The following KDM4D variants were observed in gnomAD, a reference collection of about 807,000 sequenced individuals.
KDM4D encodes the protein lysine demethylase 4D.
For synonymous variants in KDM4D, 254 were observed against 249.1 expected (o/e 1.02, Z -0.19); for missense variants, 427 against 674.8 (o/e 0.63, Z 4.07).
In KDM4D at chr11:94,998,664, C is replaced by G; in HGVS notation, c.1292C>G (p.Ser431Ter). Residue 431 changes from serine (S) to a stop codon, truncating the protein, a stop_gained, in exon 3 of 3, where the codon TCA becomes TGA. Coordinates refer to ENST00000335080, the MANE Select transcript of KDM4D (RefSeq NM_018039.3). LOFTEE classifies it low-confidence loss of function (END_TRUNC). This position sits in a 1 kb window ranked among gnomAD's most constrained non-coding sequence, Gnocchi z 6.7. ...GTCCACAGCTCTAAGAAGCCCAGCT[C>G]AACTCCATCATCCACCCCTGGTCCA... Reference protein sequence around the residue: ...AAVHSSKKPSSTPSSTPGPSA... With the variant: ...AAVHSSKKPS 1 of 1,614,242 alleles carries G rather than the reference C, an allele frequency of 6.2e-7. No homozygotes were observed. Among genetic ancestry groups the G allele is most frequent in the Non-Finnish European group, 8.5e-7 (1 of 1,180,046 alleles).
chr11:94,996,600 A>G (rs1168681876), intron 2 of KDM4D, among the ~76,000 whole-genome samples: 1 of 152,134 alleles, frequency 6.6e-6, no homozygotes, highest in Non-Finnish European at 1.5e-5. Flanking sequence ...GCTATATGGT[A>G]TTCTGTTGTG....
At chr11:94,996,671 G>A (rs1555099238) in intron 2 of KDM4D, among the ~76,000 whole-genome samples, 2 of 152,174 alleles carry the variant, frequency 1.3e-5, no homozygotes, top group African/African-American at 4.8e-5. Flanking sequence ...TTGTTTAAGT[G>A]TTTGGCTACC....
At chr11:94,986,569 C>T (rs1249661542) in intron 2 of KDM4D, among the ~76,000 whole-genome samples, 1 of 152,158 alleles carries the variant, frequency 6.6e-6, no homozygotes, top group Non-Finnish European at 1.5e-5. Flanking sequence ...GCACTCCAAC[C>T]TGGGCAACAG....
chr11:94,993,215 A>G (rs587737103), intron 2 of KDM4D, among the ~76,000 whole-genome samples: 1 of 152,324 alleles, frequency 6.6e-6, no homozygotes, highest in African/African-American at 2.4e-5. Context: ...CATTAATTTT[A>G]AGGGATCAAG....
In KDM4D at chr11:94,998,902, T is replaced by C. The variant is rs1858003168; in HGVS notation, c.1530T>C (p.His510=). The part of the protein sequence containing the change: ...KPVPLSPGLQ[H]PVKASGCSWA... ...TACCACTGAGCCCAGGGCTCCAGCA[T>C]CCTGTCAAGGCTTCTGGGTGCAGCT... is the stretch of plus-strand genomic sequence containing the variant. Residue 510 remains histidine, a synonymous_variant, in exon 3 of 3, where the codon CAT becomes CAC. Coordinates refer to ENST00000335080, the MANE Select transcript of KDM4D (RefSeq NM_018039.3). The surrounding 1 kb of genome is among the most constrained non-coding windows in gnomAD (Gnocchi z 6.7). 2.6e-6 allele frequency: 4 copies of C among 1,515,580 alleles called. No homozygotes were observed. In the South Asian group the frequency reaches 5.3e-5, roughly 20 times the overall value. 93.9% of individuals were successfully genotyped at this position (1,515,580 alleles called of 1,614,324 possible). A position where few individuals can be genotyped will look rare whatever the true frequency, so the allele number is the denominator to read the frequency against.
At chr11:94,992,661 TATCTA>T (rs1284838085) in intron 2 of KDM4D, among the ~76,000 whole-genome samples, 10 of 152,148 alleles carry the variant, frequency 6.6e-5, no homozygotes, top group East Asian at 1.9e-4. Flanking sequence ...CATTTATAAG[TATCTA>T]ATCTAAGAAA....
intron 2 of KDM4D, among the ~76,000 whole-genome samples, chr11:94,988,968 A>T (rs2134113208): frequency 6.6e-6 from 1 of 152,306 alleles, no homozygotes; most frequent in East Asian, 1.9e-4. Flanking sequence ...TCTAGATTTA[A>T]GTAAGCATCT....
At chr11:94,985,658 G>A (rs782729031) in intron 2 of KDM4D, among the ~76,000 whole-genome samples, 9 of 152,110 alleles carry the variant, frequency 5.9e-5, no homozygotes, top group Non-Finnish European at 1.3e-4. Context: ...AATTTGGAGG[G>A]CTCACACTTT....
chr11:94,988,303 G>T (rs181083606), intron 2 of KDM4D, among the ~76,000 whole-genome samples: 1 of 152,346 alleles, frequency 6.6e-6, no homozygotes, highest in East Asian at 1.9e-4. Flanking sequence ...ACTCAGACAT[G>T]CATACTTTGG....
In KDM4D at chr11:94,997,253, C is replaced by T. The variant is rs782082671; in HGVS notation, c.-120C>T. ...CATCTCATTTGCAAAAAAAAAAGTA[C>T]GCTGGTAGATCCTGCTACCTCATAG... On this transcript the variant is annotated 5_prime_UTR_variant, in exon 3 of 3. It adds an upstream start codon to the 5' untranslated region. Coordinates refer to ENST00000335080, the MANE Select transcript of KDM4D (RefSeq NM_018039.3). 3.9e-4 allele frequency: 255 copies of T among 652,080 alleles called. No homozygotes were observed. The highest frequency in any genetic ancestry group is 9.1e-4 in the Middle Eastern group (2 of 2,192). The allele number at this position is 652,080 out of a possible 1,614,324, so 40.4% of individuals were successfully genotyped here. A position where few individuals can be genotyped will look rare whatever the true frequency, so the allele number is the denominator to read the frequency against.
At chr11:94,988,061 T>C (rs782027305) in intron 2 of KDM4D, among the ~76,000 whole-genome samples, 1 of 152,350 alleles carries the variant, frequency 6.6e-6, no homozygotes, top group South Asian at 2.1e-4. Context: ...CATGAGTTTC[T>C]ATATTGAAAA....
At chr11:94,988,084 G>A (rs1857903538) in intron 2 of KDM4D, among the ~76,000 whole-genome samples, 1 of 152,130 alleles carries the variant, frequency 6.6e-6, no homozygotes, top group Non-Finnish European at 1.5e-5. Flanking sequence ...CTAGCACAAT[G>A]ATTGACAAAG....
intron 2 of KDM4D, among the ~76,000 whole-genome samples, chr11:94,987,608 C>G (rs971707610): frequency 2.0e-5 from 3 of 152,112 alleles, no homozygotes; most frequent in Non-Finnish European, 2.9e-5. Context: ...CTCTTCAGTG[C>G]CTGACTCAAA....
chr11:94,981,306 C>T (rs1590964993), intron 2 of KDM4D, among the ~76,000 whole-genome samples: 2 of 151,940 alleles, frequency 1.3e-5, no homozygotes, highest in South Asian at 2.1e-4. Context: ...TGTTCATAAG[C>T]GAGATTGACC....
At chr11:94,976,530 C>T (rs1281761528) in intron 2 of KDM4D, among the ~76,000 whole-genome samples, 1 of 152,160 alleles carries the variant, frequency 6.6e-6, no homozygotes, top group Non-Finnish European at 1.5e-5. Flanking sequence ...CTAATTCCTC[C>T]AGGTTTCTTA....
Position 94,999,143 on chromosome 11 carries a change from C to A in KDM4D, c.*199C>A, listed in dbSNP as rs1259445982. ...CATACTTTTGTTCTTCCTACCGGAC[C>A]CTGGAATGTCTTTGGATATTGCTAA... is the stretch of plus-strand genomic sequence containing the variant. On this transcript the variant is annotated 3_prime_UTR_variant, in exon 3 of 3. Transcript: ENST00000335080. 2 of 456,722 alleles carry A rather than the reference C, an allele frequency of 4.4e-6. No individual in the cohort carries two copies. Among genetic ancestry groups the A allele is most frequent in the Non-Finnish European group, 3.9e-6 (1 of 255,678 alleles). The allele number at this position is 456,722 out of a possible 1,614,324, so 28.3% of individuals were successfully genotyped here.
rs190765876 is a variant in KDM4D at position 94,996,356 on chromosome 11, A to C, written c.-349-668A>C. Among the ~76,000 whole-genome samples the C allele has an allele frequency of 3.3e-5, 5 of 152,266 alleles. No individual in the cohort carries two copies. In the East Asian group the frequency reaches 9.6e-4, roughly 29 times the overall value. ...TCAAGAGATCCCCTCAAGCCCCCCT[A>C]CACAACAACCCCTCTTTTCCCAAGG... On this transcript the variant is annotated intron_variant, in intron 2 of 2. Coordinates refer to ENST00000335080, the MANE Select transcript of KDM4D (RefSeq NM_018039.3).
chr11:94,975,309 C>A (rs1857788264), intron 1 of KDM4D, among the ~76,000 whole-genome samples: 1 of 152,060 alleles, frequency 6.6e-6, no homozygotes. Context: ...AGAGTCTATT[C>A]TATTCATTTT....
At chr11:94,982,626 C>T (rs782543208) in intron 2 of KDM4D, among the ~76,000 whole-genome samples, 4 of 148,512 alleles carry the variant, frequency 2.7e-5, no homozygotes, top group Admixed American at 6.7e-5. Flanking sequence ...ATATTATCTA[C>T]GTGGAAAATT....
Sources: gnomAD v4.1 joint callset for allele counts (sites outside exome capture counted in the v4.1 genomes callset) on GRCh38, gnomAD v4.1.1 for gene constraint, Gnocchi (gnomAD v3.1) non-coding constraint, MANE v1.5 for transcripts, NCBI Gene and HGNC (gene_info 2026-07-23, HGNC 2026-07-21) for gene names.